The following GNPAT variants were observed in gnomAD, a reference collection of about 807,000 sequenced individuals.
GNPAT encodes the protein dihydroxyacetone phosphate acyltransferase.
GNPAT carries 30 observed loss-of-function variants against 78.4 expected under a neutral mutation model. The ratio of observed to expected loss-of-function variants is 0.38; its 90% CI spans 0.29 to 0.52. GNPAT has a LOEUF of 0.52. Among genes scored for constraint, GNPAT ranks in the 20% least tolerant of loss-of-function variants. GNPAT has a pLI of 0.84. For missense variants in GNPAT, 714 were observed against 812.2 expected (o/e 0.88, Z 1.47); for synonymous variants, 271 against 281.1 (o/e 0.96, Z 0.36).
intron 3 of GNPAT, among the ~76,000 whole-genome samples, chr1:231,261,455 T>C (rs571832691): frequency 6.6e-6 from 1 of 152,170 alleles, no homozygotes; most frequent in Non-Finnish European, 1.5e-5. Flanking sequence ...CCGGAAGCGA[T>C]GCATTCTTCT....
chr1:231,271,056 A>G, intron 10 of GNPAT, 56 bp downstream of exon 10: 2 of 1,581,096 alleles, frequency 1.3e-6, no homozygotes, highest in Non-Finnish European at 8.7e-7. Flanking sequence ...ATTCCATTCC[A>G]TTTAGGGAGC....
intron 9 of GNPAT, among the ~76,000 whole-genome samples, chr1:231,268,164 G>T (rs113514736): frequency 3.9e-5 from 6 of 152,226 alleles, no homozygotes; most frequent in African/African-American, 1.4e-4. Context: ...TTAACCAGGC[G>T]TGGTGGTAGG....
chr1:231,270,270 A>T (rs1040894423), intron 9 of GNPAT, among the ~76,000 whole-genome samples: 2 of 151,904 alleles, frequency 1.3e-5, no homozygotes, highest in African/African-American at 2.4e-5. Flanking sequence ...CTGCAAAGTG[A>T]TATTTTTACC....
intron 3 of GNPAT, 106 bp from the exon 4 acceptor site, chr1:231,262,617 T>C (rs1685251725): frequency 3.4e-6 from 3 of 883,326 alleles, no homozygotes; most frequent in Admixed American, 1.7e-5. Flanking sequence ...AAAAAGAGGA[T>C]GGGTATTCCC....
At chr1:231,261,251 A>G (rs547754497) in intron 3 of GNPAT, among the ~76,000 whole-genome samples, 3 of 152,296 alleles carry the variant, frequency 2.0e-5, no homozygotes, top group East Asian at 3.9e-4. Context: ...AAAGTGTTCA[A>G]CTTTCTTCTG....
At position 231,275,213 on chromosome 1, in the gene GNPAT, A is replaced by G; in HGVS notation, c.1744-8A>G. ...TTCTGTTCCCCTCATCCTTCCTCTTAAAATCAGATAATTTGCAAGTACCTT... is the reference window on the plus strand; with the variant it reads ...TTCTGTTCCCCTCATCCTTCCTCTTGAAATCAGATAATTTGCAAGTACCTT... On this transcript the variant is annotated splice_region_variant and splice_polypyrimidine_tract_variant and intron_variant, in intron 12 of 15. Transcript: ENST00000366647. 6.5e-7 allele frequency: 1 copy of G among 1,539,226 alleles called. No individual in the cohort carries two copies. The highest frequency in any genetic ancestry group is 9.0e-7 in the Non-Finnish European group (1 of 1,111,484).
At chr1:231,258,490 C>G (rs1685127535) in intron 2 of GNPAT, among the ~76,000 whole-genome samples, 1 of 152,150 alleles carries the variant, frequency 6.6e-6, no homozygotes, top group African/African-American at 2.4e-5. Context: ...TCCCTTTCCT[C>G]TATCTTCAGC....
chr1:231,245,219 T>A (rs916935351), intron 1 of GNPAT, among the ~76,000 whole-genome samples: 2 of 152,158 alleles, frequency 1.3e-5, no homozygotes, highest in African/African-American at 4.8e-5. Flanking sequence ...TAATTTTCTT[T>A]TTTTGTTGTT....
In GNPAT at chr1:231,267,796, C is replaced by T. The variant is rs1003242282; in HGVS notation, c.1172C>T (p.Ala391Val). The change falls in exon 9 of 16, where the codon GCT becomes GTT. Residue 391 changes from alanine (A) to valine (V), a missense_variant. Physicochemically the swap from Ala to Val is moderately conservative, Grantham distance 64. Transcript: ENST00000366647. ...MVLSPWTLIV[A>V]VLLQNRPSMD... ...TTGAGCCCCTGGACCCTAATAGTTG[C>T]TGTTCTGCTTCAGAACCGGCCATCC... 2.5e-6 allele frequency: 4 copies of T among 1,613,246 alleles called. No homozygotes were observed. Among genetic ancestry groups the T allele is most frequent in the Non-Finnish European group, 3.4e-6 (4 of 1,179,144 alleles).
At chr1:231,247,097 C>T (rs1176327321) in intron 1 of GNPAT, among the ~76,000 whole-genome samples, 2 of 151,120 alleles carry the variant, frequency 1.3e-5, no homozygotes, top group African/African-American at 2.4e-5. Flanking sequence ...ACCCGGGAGG[C>T]GGAGCTTGCA....
At chr1:231,271,971 G>A (rs1036501598) in intron 10 of GNPAT, among the ~76,000 whole-genome samples, 8 of 152,154 alleles carry the variant, frequency 5.3e-5, no homozygotes, top group Admixed American at 2.0e-4. Flanking sequence ...ATGGCGGCGA[G>A]TGCCTGTAAT....
chr1:231,265,321 G>C lies in GNPAT; in HGVS notation c.597G>C (p.Glu199Asp), dbSNP rs757474936. 25 of 1,612,266 alleles carry C rather than the reference G, an allele frequency of 1.6e-5. No homozygotes were observed. Among genetic ancestry groups the C allele is most frequent in the Non-Finnish European group, 2.1e-5 (25 of 1,178,282 alleles). Residue 199 changes from glutamate to aspartate, a missense_variant, in exon 5 of 16, where the codon GAG becomes GAC. Physicochemically the swap from Glu to Asp is conservative, Grantham distance 45. Coordinates refer to ENST00000366647, the MANE Select transcript of GNPAT (RefSeq NM_014236.4). Reference sequence around the variant, plus strand: ...TCCTGGGAATGAAAATGGTTGGTGAGCTGCTACGAATGTCGGGTGCCTTTT... The same window carrying C: ...TCCTGGGAATGAAAATGGTTGGTGACCTGCTACGAATGTCGGGTGCCTTTT... ...MDFLGMKMVGELLRMSGAFFM... is the reference protein window; with the variant it reads ...MDFLGMKMVGDLLRMSGAFFM...
rs6659098 is a variant in GNPAT, at chr1:231,262,809, A to G, written c.525A>G (p.Leu175=). ...YIDFLMLSFL[L]YNYDLPVPVI... is the part of the protein sequence containing the mutation. ...ACTTCCTCATGTTGTCTTTTCTTCT[A>G]TACAATTATGATTTGCCTGTGCCAG... Residue 175 remains leucine, a synonymous_variant, in exon 4 of 16, where the codon CTA becomes CTG. Transcript: ENST00000366647. 2.0e-3 allele frequency: 3,163 copies of G among 1,610,468 alleles called. 52 individuals are homozygous for G. The African/African-American group carries it at 0.032, about 16-fold the overall frequency.
intron 9 of GNPAT, among the ~76,000 whole-genome samples, chr1:231,269,696 G>A (rs934705183): frequency 1.3e-5 from 2 of 152,102 alleles, no homozygotes; most frequent in Non-Finnish European, 2.9e-5. Flanking sequence ...AGCTAAAAGG[G>A]CTCAAACCCA....
In GNPAT at chr1:231,272,452, G is replaced by A; in HGVS notation, c.1602+61G>A. The A allele has an allele frequency of 5.5e-6, 5 of 905,800 alleles. No homozygotes were observed. In the Admixed American group the frequency reaches 8.6e-5, roughly 16 times the overall value. The allele number at this position is 905,800 out of a possible 1,614,324, so 56.1% of individuals were successfully genotyped here. A position where few individuals can be genotyped will look rare whatever the true frequency, so the allele number is the denominator to read the frequency against. ...AGTGTGAGTTCTAGAAATGTTAGGGGTGAATTCACAGATGTGTCTCAGGCA... is the reference window on the plus strand; with the variant it reads ...AGTGTGAGTTCTAGAAATGTTAGGGATGAATTCACAGATGTGTCTCAGGCA... On this transcript the variant is annotated intron_variant, in intron 11 of 15. Transcript: ENST00000366647.
intron 11 of GNPAT, 29 bp from the exon 12 acceptor site, chr1:231,273,893 G>T: frequency 6.2e-7 from 1 of 1,601,500 alleles, no homozygotes; most frequent in South Asian, 1.1e-5. Flanking sequence ...TAACCTAGAT[G>T]AACATTATGG....
At chr1:231,247,950 G>T (rs1281393928) in intron 1 of GNPAT, among the ~76,000 whole-genome samples, 1 of 152,188 alleles carries the variant, frequency 6.6e-6, no homozygotes, top group Non-Finnish European at 1.5e-5. Context: ...CGGAAGGATT[G>T]TAGATGATCG....
intron 10 of GNPAT, among the ~76,000 whole-genome samples, chr1:231,271,885 G>A (rs1343355129): frequency 3.9e-5 from 6 of 152,142 alleles, no homozygotes; most frequent in South Asian, 2.1e-4. Flanking sequence ...GGAGGATCAC[G>A]ATGTCAGGAG....
chr1:231,260,735 TAAAC>T, intron 3 of GNPAT, 52 bp downstream of exon 3: 1 of 1,200,060 alleles, frequency 8.3e-7, no homozygotes, highest in Non-Finnish European at 1.2e-6. Flanking sequence ...ATCTTAAAAT[TAAAC>T]AAAAAAAAAA....
Sources: allele counts gnomAD v4.1 joint callset (sites outside exome capture counted in the v4.1 genomes callset), GRCh38; gene constraint gnomAD v4.1.1; transcripts MANE v1.5; gene names NCBI Gene and HGNC (gene_info 2026-07-23, HGNC 2026-07-21).